DPP6: variants seen among roughly 807,000 people sequenced by gnomAD.
DPP6 encodes the protein dipeptidyl peptidase like 6.
DPP6 carries 69 observed loss-of-function variants against 122.6 expected under a neutral mutation model. The ratio of observed to expected loss-of-function variants is 0.56; its 90% CI spans 0.46 to 0.69. The LOEUF (loss-of-function observed/expected upper bound fraction) is 0.69. Among genes scored for constraint, DPP6 ranks in the 30% least tolerant of loss-of-function variants. The pLI, the probability that DPP6 is intolerant of heterozygous loss-of-function variation, is 0.00. For synonymous variants in DPP6, 418 were observed against 433.1 expected, an observed-to-expected ratio of 0.97 and a Z score of 0.43; for missense variants, 928 against 1,116.9, an observed-to-expected ratio of 0.83 and a Z score of 2.41.
intron 1 of DPP6, among the ~76,000 whole-genome samples, chr7:154,129,728 T>C (rs931736446): frequency 2.6e-5 from 4 of 151,938 alleles, no homozygotes; most frequent in Non-Finnish European, 5.9e-5. Flanking sequence ...TGAAACCCTG[T>C]CTCTGCTAAA....
intron 1 of DPP6, among the ~76,000 whole-genome samples, chr7:154,210,218 C>T (rs1180660004): frequency 6.6e-6 from 1 of 152,198 alleles, no homozygotes; most frequent in Non-Finnish European, 1.5e-5. Flanking sequence ...CTCCTTCAGG[C>T]CCTCAGAAGT....
chr7:153,845,583 CTG>C, the DPP6 span, among the ~76,000 whole-genome samples: 1 of 151,934 alleles, frequency 6.6e-6, no homozygotes, highest in African/African-American at 2.4e-5. Flanking sequence ...TTAACCATGA[CTG>C]TAATTACTGA....
chr7:154,875,975 C>A lies in DPP6; in HGVS notation c.1953C>A (p.Ser651Arg). Residue 651 changes from serine to arginine, a missense_variant, in exon 20 of 26, where the codon AGC becomes AGA. Transcript: ENST00000377770. This position sits in a 1 kb window ranked among gnomAD's most constrained non-coding sequence, Gnocchi z 4.5. ...TGAGCTGGGAGACGGTGATGGTGAG[C>A]AGCCACGGCGCGGTGGTGGTAAAGT... ...FEVSWETVMV[S>R]SHGAVVVKCD... 1 of 1,613,542 alleles carries A rather than the reference C, an allele frequency of 6.2e-7. No individual in the cohort carries two copies. Among genetic ancestry groups the A allele is most frequent in the Non-Finnish European group, 8.5e-7 (1 of 1,179,754 alleles).
At chr7:153,853,553 A>G in the DPP6 span, among the ~76,000 whole-genome samples, 1 of 152,144 alleles carries the variant, frequency 6.6e-6, no homozygotes, top group Non-Finnish European at 1.5e-5. Flanking sequence ...GGAAGCTTCT[A>G]TTAAGGAAAT....
In DPP6 at chr7:154,332,228, C is replaced by T. The variant is rs1011299780; in HGVS notation, c.244-113986C>T. ...CTGGGATTACAGGCACATGCCACCA[C>T]GCCCGGCTAATTTGTGTATTTTTAG... is the stretch of plus-strand genomic sequence containing the variant. On this transcript the variant is annotated intron_variant, in intron 1 of 25. Coordinates refer to ENST00000377770, the MANE Select transcript of DPP6 (RefSeq NM_130797.4). Among the ~76,000 whole-genome samples, 6 of 152,208 alleles carry T rather than the reference C, an allele frequency of 3.9e-5. 1 individual carries two copies. The highest frequency in any genetic ancestry group is 4.1e-4 in the South Asian group (2 of 4,824).
chr7:153,818,220 G>A, the DPP6 span, among the ~76,000 whole-genome samples: 9 of 151,946 alleles, frequency 5.9e-5, no homozygotes, highest in Non-Finnish European at 1.2e-4. Context: ...GAGAGACATC[G>A]TTTTATGCCC....
At chr7:154,426,782 C>T (rs962185734) in intron 1 of DPP6, among the ~76,000 whole-genome samples, 4 of 138,710 alleles carry the variant, frequency 2.9e-5, no homozygotes, top group South Asian at 2.3e-4. Flanking sequence ...AAACATCAGC[C>T]GAGTAAGTTA....
intron 3 of DPP6, among the ~76,000 whole-genome samples, chr7:154,525,591 C>T (rs765458376): frequency 5.2e-4 from 79 of 152,230 alleles, no homozygotes; most frequent in Non-Finnish European, 9.4e-4. Context: ...ACACGGAATG[C>T]TACCACAGCT....
At chr7:153,889,599 C>A (rs1461895966) in intron 1 of DPP6, among the ~76,000 whole-genome samples, 1 of 152,190 alleles carries the variant, frequency 6.6e-6, no homozygotes, top group African/African-American at 2.4e-5. Flanking sequence ...TCTTTGCCCT[C>A]CCCCTAACCC....
At chr7:153,956,551 G>C (rs1802470916) in intron 1 of DPP6, among the ~76,000 whole-genome samples, 1 of 152,134 alleles carries the variant, frequency 6.6e-6, no homozygotes, top group African/African-American at 2.4e-5. Flanking sequence ...GCTTCCCCAG[G>C]TGGGTCTCTG....
At chr7:153,856,215 G>A in the DPP6 span, among the ~76,000 whole-genome samples, 21 of 152,178 alleles carry the variant, frequency 1.4e-4, no homozygotes, top group Admixed American at 1.4e-3. Flanking sequence ...CAGACAACTG[G>A]TTACAAAGAC....
intron 1 of DPP6, among the ~76,000 whole-genome samples, chr7:154,320,328 C>T (rs1362562163): frequency 1.3e-5 from 2 of 152,080 alleles, no homozygotes; most frequent in African/African-American, 2.4e-5. Flanking sequence ...TTCCCATGGC[C>T]GCTCCATTCC....
the DPP6 span, among the ~76,000 whole-genome samples, chr7:153,866,600 G>T: frequency 6.6e-6 from 1 of 152,092 alleles, no homozygotes; most frequent in Non-Finnish European, 1.5e-5. Flanking sequence ...TCTGTAGGTT[G>T]CCTGTTCGCT....
At chr7:153,865,759 G>A in the DPP6 span, among the ~76,000 whole-genome samples, 3,829 of 151,742 alleles carry the variant, frequency 0.025, 144 homozygotes, top group African/African-American at 0.087. Flanking sequence ...CCATTAACTC[G>A]TCATTTAGCA....
the DPP6 span, among the ~76,000 whole-genome samples, chr7:153,811,583 C>T: frequency 6.6e-6 from 1 of 152,164 alleles, no homozygotes; most frequent in East Asian, 1.9e-4. Context: ...CTCTGGAAGG[C>T]TGCCTGTGAG....
chr7:154,855,132 C>T (rs1259188897), intron 17 of DPP6, among the ~76,000 whole-genome samples: 1 of 152,008 alleles, frequency 6.6e-6, no homozygotes, highest in Admixed American at 6.5e-5. Flanking sequence ...AGGCTCCAAA[C>T]GTGTGTTTAG....
intron 1 of DPP6, among the ~76,000 whole-genome samples, chr7:154,247,665 A>C (rs1160957426): frequency 6.6e-6 from 1 of 152,210 alleles, no homozygotes; most frequent in Non-Finnish European, 1.5e-5. Context: ...AGAGCTCTAC[A>C]ACAAGTACAA....
intron 1 of DPP6, among the ~76,000 whole-genome samples, chr7:154,333,064 A>G (rs1809094069): frequency 6.6e-6 from 1 of 152,164 alleles, no homozygotes; most frequent in Non-Finnish European, 1.5e-5. Flanking sequence ...CTCAGAGAAG[A>G]CAGCTCTATG....
chr7:154,538,017 A>G (rs1381059237), intron 3 of DPP6, among the ~76,000 whole-genome samples: 5 of 152,154 alleles, frequency 3.3e-5, no homozygotes, highest in Admixed American at 1.3e-4. Context: ...AACACAGTAA[A>G]TATCACCTTA....
Sources: gnomAD v4.1 joint callset for allele counts (sites outside exome capture counted in the v4.1 genomes callset) on GRCh38, gnomAD v4.1.1 for gene constraint, Gnocchi (gnomAD v3.1) non-coding constraint, MANE v1.5 for transcripts, NCBI Gene and HGNC (gene_info 2026-07-23, HGNC 2026-07-21) for gene names.